Variants in PARD3B observed in about 807,000 individuals in gnomAD.
The protein encoded by PARD3B is partitioning defective 3 homolog B.
Under a neutral mutation model 130.2 loss-of-function variants are expected in PARD3B, and 103 were observed. That is an observed-to-expected ratio of 0.79 (90% CI 0.67 to 0.93). The LOEUF is 0.93. PARD3B is among the 40% of genes least tolerant of loss of function. The pLI is 0.00. For synonymous variants in PARD3B, 583 were observed against 553.2 expected (o/e 1.05, Z -0.76); for missense variants, 1,609 against 1,499.2 (o/e 1.07, Z -1.21).
intron 11 of PARD3B, among the ~76,000 whole-genome samples, chr2:205,167,905 C>T (rs996646334): frequency 3.9e-5 from 6 of 152,152 alleles, no homozygotes; most frequent in African/African-American, 1.4e-4. Context: ...AAAAGACATG[C>T]TCAAGGACTA....
chr2:204,703,981 A>G (rs1305540963), intron 2 of PARD3B, among the ~76,000 whole-genome samples: 1 of 152,150 alleles, frequency 6.6e-6, no homozygotes, highest in Admixed American at 6.6e-5. Flanking sequence ...GTTGAAGTAT[A>G]CATTTAGGAA....
chr2:205,514,165 T>TAACA (rs1448913853), intron 21 of PARD3B, among the ~76,000 whole-genome samples: 1 of 152,166 alleles, frequency 6.6e-6, no homozygotes, highest in Non-Finnish European at 1.5e-5. Flanking sequence ...GTAGATTTTC[T>TAACA]AACAACTGTG....
intron 18 of PARD3B, among the ~76,000 whole-genome samples, chr2:205,302,065 C>CTT (rs3048088): frequency 0.23 from 17,926 of 77,828 alleles, 3,478 homozygotes; most frequent in African/African-American, 0.41. Context: ...TTTTTCTTTT[C>CTT]TTTTTTTTTT....
intron 20 of PARD3B, among the ~76,000 whole-genome samples, chr2:205,491,242 C>CT (rs2049694750): frequency 6.6e-6 from 1 of 152,126 alleles, no homozygotes; most frequent in African/African-American, 2.4e-5. Flanking sequence ...GGTTTTAAGT[C>CT]TTAACATTTA....
chr2:205,025,227 G>GT (rs777860272), intron 3 of PARD3B, among the ~76,000 whole-genome samples: 6 of 152,156 alleles, frequency 3.9e-5, no homozygotes, highest in Non-Finnish European at 8.8e-5. Flanking sequence ...ACGGCTATTA[G>GT]TCAGGAGTTT....
chr2:204,615,231 A>G (rs568110086), intron 1 of PARD3B, among the ~76,000 whole-genome samples: 1 of 152,302 alleles, frequency 6.6e-6, no homozygotes, highest in South Asian at 2.1e-4. Context: ...TTCTCCTTTG[A>G]TACTACACCA....
chr2:204,591,282 T>A (rs2125094048), intron 1 of PARD3B, among the ~76,000 whole-genome samples: 1 of 152,316 alleles, frequency 6.6e-6, no homozygotes, highest in East Asian at 1.9e-4. Flanking sequence ...GATTGTCTTT[T>A]ATTGTGGGGC....
At chr2:205,344,123 C>T (rs938988088) in intron 18 of PARD3B, among the ~76,000 whole-genome samples, 1 of 151,024 alleles carries the variant, frequency 6.6e-6, no homozygotes, top group Non-Finnish European at 1.5e-5. Context: ...TGCTGCTGGG[C>T]CTGGTATATA....
chr2:205,161,801 C>T (rs760824752), intron 11 of PARD3B, among the ~76,000 whole-genome samples: 3 of 152,176 alleles, frequency 2.0e-5, no homozygotes, highest in East Asian at 1.9e-4. Context: ...TTTTTCTCCT[C>T]GCCCTTCATA....
At chr2:204,962,885 A>G (rs1690878067) in intron 2 of PARD3B, among the ~76,000 whole-genome samples, 1 of 152,202 alleles carries the variant, frequency 6.6e-6, no homozygotes. Flanking sequence ...CAGTCTAAGC[A>G]ATTGATTTTA....
intron 18 of PARD3B, among the ~76,000 whole-genome samples, chr2:205,356,858 T>G (rs1223640360): frequency 7.2e-6 from 1 of 139,634 alleles, no homozygotes; most frequent in African/African-American, 2.6e-5. Context: ...GCCATTATAC[T>G]CCAGCCTGGG....
chr2:204,823,497 ATACATAAG>A, intron 2 of PARD3B, among the ~76,000 whole-genome samples: 1 of 152,274 alleles, frequency 6.6e-6, no homozygotes, highest in East Asian at 1.9e-4. Context: ...TACTGGCTAC[ATACATAAG>A]TATAATTCAT....
rs759258720 is a variant in PARD3B at position 205,168,290 on chromosome 2, A to AGG, written c.1621-3920_1621-3919insGG. Among the ~76,000 whole-genome samples the AGG allele has an allele frequency of 4.5e-3, 472 of 105,240 alleles. 3 individuals carry two copies. The highest frequency in any genetic ancestry group is 7.3e-3 in the Non-Finnish European group (361 of 49,236). 69.0% of individuals were successfully genotyped at this position (105,240 alleles called of 152,430 possible). ...AGGAAGAAAAAGGGGTGAGAAAGGG[A>AGG]GAGAGAGAGAGAGAGAGAGAGAGAG... On this transcript the variant is annotated intron_variant, in intron 11 of 22. Coordinates refer to ENST00000406610, the MANE Select transcript of PARD3B (RefSeq NM_001302769.2).
At chr2:205,535,167 G>A (rs1345863091) in intron 21 of PARD3B, among the ~76,000 whole-genome samples, 1 of 152,042 alleles carries the variant, frequency 6.6e-6, no homozygotes, top group Non-Finnish European at 1.5e-5. Flanking sequence ...ATTCCCACCT[G>A]CGAACTCTGC....
intron 1 of PARD3B, among the ~76,000 whole-genome samples, chr2:204,602,726 G>C (rs576431236): frequency 2.0e-5 from 3 of 152,002 alleles, no homozygotes; most frequent in African/African-American, 7.2e-5. Context: ...CAAATATAAC[G>C]TACAGACCAT....
At chr2:205,018,567 C>CT (rs1305617231) in intron 3 of PARD3B, among the ~76,000 whole-genome samples, 1 of 151,730 alleles carries the variant, frequency 6.6e-6, no homozygotes, top group Non-Finnish European at 1.5e-5. Context: ...ATTTCAAATG[C>CT]TTTTTTAAAG....
At chr2:205,310,691 T>C (rs991548980) in intron 18 of PARD3B, among the ~76,000 whole-genome samples, 10 of 151,414 alleles carry the variant, frequency 6.6e-5, no homozygotes, top group Admixed American at 1.3e-4. Context: ...ATGGCTGAAA[T>C]AGTATTTCTT....
At chr2:204,681,871 CTCTA>C (rs1490889497) in intron 1 of PARD3B, among the ~76,000 whole-genome samples, 1 of 152,128 alleles carries the variant, frequency 6.6e-6, no homozygotes, top group Non-Finnish European at 1.5e-5. Context: ...TTTTGTAATT[CTCTA>C]TCTAATTTCT....
At chr2:204,579,262 G>A (rs1246276033) in intron 1 of PARD3B, among the ~76,000 whole-genome samples, 4 of 151,974 alleles carry the variant, frequency 2.6e-5, no homozygotes, top group Non-Finnish European at 5.9e-5. Flanking sequence ...CAATCTCATG[G>A]GGTTGGTATT....
Sources: gnomAD v4.1 joint callset for allele counts (sites outside exome capture counted in the v4.1 genomes callset) on GRCh38, gnomAD v4.1.1 for gene constraint, MANE v1.5 for transcripts, NCBI Gene and HGNC (gene_info 2026-07-23, HGNC 2026-07-21) for gene names.